The following SCN2A variants were observed in gnomAD, a reference collection of about 807,000 sequenced individuals.
SCN2A encodes sodium channel protein type 2 subunit alpha.
Under a neutral mutation model 188.7 loss-of-function variants are expected in SCN2A, and 20 were observed. The ratio of observed to expected loss-of-function variants is 0.11; its 90% CI spans 0.07 to 0.15. The LOEUF (loss-of-function observed/expected upper bound fraction) is 0.15, where lower values mean the gene tolerates loss of function less well. SCN2A is among the 10% of genes least tolerant of loss of function. The probability of loss-of-function intolerance (pLI) is 1.00; values close to 1 mark genes in which losing one functional copy is unlikely to be tolerated. For missense variants in SCN2A, 1,278 were observed against 2,445.0 expected, an observed-to-expected ratio of 0.52 and a Z score of 10.07; for synonymous variants, 804 against 833.1, an observed-to-expected ratio of 0.97 and a Z score of 0.60.
In SCN2A at chr2:165,322,980, T is replaced by A. The variant is rs115509308; in HGVS notation, c.1672-176T>A. On this transcript the variant is annotated intron_variant, in intron 11 of 26. Coordinates refer to ENST00000375437, the MANE Select transcript of SCN2A (RefSeq NM_001040142.2). ...AGTGAAATAGAAAAGGTGAACCTTG[T>A]AGAAAGTGCCAAAATGCCACCAGCA... is the stretch of plus-strand genomic sequence containing the variant. Among the ~76,000 whole-genome samples, 1,152 of 152,286 alleles carry A rather than the reference T, an allele frequency of 7.6e-3. 21 individuals are homozygous for A. The highest frequency in any genetic ancestry group is 0.026 in the African/African-American group (1,093 of 41,554).
At chr2:165,250,018 T>C (rs1484902255) in intron 1 of SCN2A, among the ~76,000 whole-genome samples, 2 of 152,078 alleles carry the variant, frequency 1.3e-5, no homozygotes, top group Non-Finnish European at 2.9e-5. Flanking sequence ...ATGTTCTCTC[T>C]GTTTTCACAT....
chr2:165,308,562 C>T lies in SCN2A; in HGVS notation c.477-104C>T. On this transcript the variant is annotated intron_variant, in intron 4 of 26. Coordinates refer to ENST00000375437, the MANE Select transcript of SCN2A (RefSeq NM_001040142.2). ...AAACTCTATATCGTAGGGGGACCAACCTGGAAGTGTCTAATTTTTGTTTGC... is the reference window on the plus strand; with the variant it reads ...AAACTCTATATCGTAGGGGGACCAATCTGGAAGTGTCTAATTTTTGTTTGC... 8 of 1,257,798 alleles carry T rather than the reference C, an allele frequency of 6.4e-6. No homozygotes were observed. The South Asian group carries it at 9.8e-5, about 15-fold the overall frequency. The allele number at this position is 1,257,798 out of a possible 1,614,324, so 77.9% of individuals were successfully genotyped here. A position where few individuals can be genotyped will look rare whatever the true frequency, so the allele number is the denominator to read the frequency against.
chr2:165,343,600 T>G (rs60126226), intron 15 of SCN2A, among the ~76,000 whole-genome samples: 4,021 of 152,242 alleles, frequency 0.026, 188 homozygotes, highest in African/African-American at 0.091. Context: ...CTCCTTTGGG[T>G]CACTTTGATG....
intron 3 of SCN2A, among the ~76,000 whole-genome samples, chr2:165,298,162 TTTC>T (rs1356894868): frequency 1.3e-5 from 2 of 152,234 alleles, no homozygotes; most frequent in East Asian, 3.8e-4. Flanking sequence ...CAGCATGTTA[TTTC>T]TTCTTCAGAA....
At chr2:165,384,927 G>A (rs977394379) in intron 25 of SCN2A, among the ~76,000 whole-genome samples, 2 of 152,086 alleles carry the variant, frequency 1.3e-5, no homozygotes, top group African/African-American at 4.8e-5. Context: ...GAAGTAAGGG[G>A]AAGATGCCAG....
chr2:165,379,648 A>C (rs73025966), intron 23 of SCN2A, among the ~76,000 whole-genome samples: 2,830 of 151,898 alleles, frequency 0.019, 83 homozygotes, highest in African/African-American at 0.062. Context: ...ACTGTTAACT[A>C]AACTCACATA....
intron 3 of SCN2A, among the ~76,000 whole-genome samples, chr2:165,304,831 A>G (rs13012293): frequency 0.8 from 121,988 of 152,158 alleles, 49,145 homozygotes; most frequent in Non-Finnish European, 0.84. Flanking sequence ...GTAGACAGGG[A>G]TCAGACCTCC....
intron 19 of SCN2A, 43 bp downstream of exon 19, chr2:165,367,414 C>A (rs922640798): frequency 8.1e-6 from 13 of 1,606,050 alleles, no homozygotes; most frequent in Non-Finnish European, 1.1e-5. Context: ...CATCTGAAAT[C>A]TTTTCCCTTT....
chr2:165,366,260 A>G (rs1237899739), intron 18 of SCN2A, among the ~76,000 whole-genome samples: 1 of 152,202 alleles, frequency 6.6e-6, no homozygotes, highest in Non-Finnish European at 1.5e-5. Flanking sequence ...TTTGAGGACA[A>G]GGCTATGTTT....
At chr2:165,306,872 A>G (rs1697168621) in intron 3 of SCN2A, among the ~76,000 whole-genome samples, 1 of 152,126 alleles carries the variant, frequency 6.6e-6, no homozygotes, top group Non-Finnish European at 1.5e-5. Flanking sequence ...AATTTCTATA[A>G]TTGTGTCCAG....
Position 165,374,933 on chromosome 2 carries a change from C to T in SCN2A, c.4221C>T (p.Asn1407=), listed in dbSNP as rs747792907. The T allele has an allele frequency of 1.9e-5, 30 of 1,613,032 alleles. No homozygotes were observed. The highest frequency in any genetic ancestry group is 1.6e-4 in the Middle Eastern group (1 of 6,076). Residue 1407 remains asparagine, a synonymous_variant, in exon 22 of 27, where the codon AAC becomes AAT. Coordinates refer to ENST00000375437, the MANE Select transcript of SCN2A (RefSeq NM_001040142.2). The stretch of plus-strand genomic sequence containing the variant: ...AAAATGTGAAAGTAAACTTTGATAA[C>T]GTAGGACTTGGATATCTGTCTCTAC... ...RWKNVKVNFD[N]VGLGYLSLLQ...
intron 1 of SCN2A, among the ~76,000 whole-genome samples, chr2:165,256,092 G>A (rs1482237278): frequency 3.0e-5 from 4 of 134,148 alleles, no homozygotes; most frequent in Non-Finnish European, 4.6e-5. Flanking sequence ...TACAACCTCC[G>A]CCTCCCGGGT....
At chr2:165,247,893 G>C (rs1438790268) in intron 1 of SCN2A, among the ~76,000 whole-genome samples, 2 of 152,128 alleles carry the variant, frequency 1.3e-5, no homozygotes, top group African/African-American at 4.8e-5. Flanking sequence ...CAACCAACCT[G>C]CTCCAATCCT....
rs879838584 is a variant in SCN2A, at chr2:165,306,522, G to A, written c.387-1326G>A. 8.6e-3 allele frequency among the ~76,000 whole-genome samples: 687 copies of A among 80,334 alleles called. 6 individuals carry two copies. Among genetic ancestry groups the A allele is most frequent in the East Asian group, 0.013 (49 of 3,666 alleles). The allele number at this position is 80,334 out of a possible 152,430, so 52.7% of individuals were successfully genotyped here. On this transcript the variant is annotated intron_variant, in intron 3 of 26. Coordinates refer to ENST00000375437, the MANE Select transcript of SCN2A (RefSeq NM_001040142.2). Reference sequence around the variant, plus strand: ...TGGTATTTTGTGTGTGTGTGTGTGTGTGTGTGTGTGTGTGTGTGTGTGTGT... The same window carrying A: ...TGGTATTTTGTGTGTGTGTGTGTGTATGTGTGTGTGTGTGTGTGTGTGTGT...
In SCN2A at chr2:165,306,504, T is replaced by TTG. The variant is rs10524719; in HGVS notation, c.387-1296_387-1295dup. Among the ~76,000 whole-genome samples, 323 of 147,408 alleles carry TTG rather than the reference T, an allele frequency of 2.2e-3. 1 individual carries two copies. The highest frequency in any genetic ancestry group is 5.1e-3 in the African/African-American group (203 of 39,552). ...AATTGTGTTTCTTTGAAATGGTATT[T>TTG]TGTGTGTGTGTGTGTGTGTGTGTGT... On this transcript the variant is annotated intron_variant, in intron 3 of 26. Coordinates refer to ENST00000375437, the MANE Select transcript of SCN2A (RefSeq NM_001040142.2).
chr2:165,332,119 T>C (rs968701227), intron 14 of SCN2A, among the ~76,000 whole-genome samples: 3 of 151,890 alleles, frequency 2.0e-5, no homozygotes, highest in Non-Finnish European at 4.4e-5. Flanking sequence ...GATATTATAA[T>C]ATAGTATACT....
intron 22 of SCN2A, among the ~76,000 whole-genome samples, chr2:165,376,451 T>C (rs60376214): frequency 0.039 from 5,942 of 151,998 alleles, 376 homozygotes; most frequent in African/African-American, 0.13. Flanking sequence ...AAATAAAATT[T>C]TTCTTCCTCT....
At chr2:165,291,417 TCCCTG>T in intron 1 of SCN2A, among the ~76,000 whole-genome samples, 1 of 142,864 alleles carries the variant, frequency 7.0e-6, no homozygotes, top group African/African-American at 2.6e-5. Context: ...CCTTCCTTCC[TCCCTG>T]TCTGTCTTTC....
chr2:165,293,733 T>A (rs1696337194), intron 1 of SCN2A: 1 of 559,930 alleles, frequency 1.8e-6, no homozygotes, highest in South Asian at 7.8e-5. Context: ...AGGAGAAGCA[T>A]TATCTGTTAA....
Sources: gnomAD v4.1 joint callset for allele counts (sites outside exome capture counted in the v4.1 genomes callset) on GRCh38, gnomAD v4.1.1 for gene constraint, MANE v1.5 for transcripts, NCBI Gene and HGNC (gene_info 2026-07-23, HGNC 2026-07-21) for gene names.